The following ARHGEF28 variants were observed in gnomAD, a reference collection of about 807,000 sequenced individuals.
ARHGEF28 encodes the protein Rho guanine nucleotide exchange factor 28.
ARHGEF28 carries 152 observed loss-of-function variants against 206.6 expected under a neutral mutation model. The observed-to-expected ratio is 0.74, with a 90% CI of 0.64 to 0.84. The LOEUF is 0.84. Among genes scored for constraint, ARHGEF28 ranks in the 40% least tolerant of loss-of-function variants. The probability of loss-of-function intolerance (pLI) is 0.00; values close to 1 mark genes in which losing one functional copy is unlikely to be tolerated. For missense variants in ARHGEF28, 2,028 were observed against 2,073.2 expected (o/e 0.98, Z 0.42); for synonymous variants, 763 against 776.4 (o/e 0.98, Z 0.29).
intron 2 of ARHGEF28, among the ~76,000 whole-genome samples, chr5:73,713,759 C>A (rs1200185574): frequency 7.9e-5 from 12 of 151,984 alleles, no homozygotes; most frequent in Non-Finnish European, 1.5e-4. Flanking sequence ...TTTTGCATGG[C>A]AAATTAAATA....
intron 9 of ARHGEF28, among the ~76,000 whole-genome samples, chr5:73,831,476 A>G (rs1301367721): frequency 2.0e-5 from 3 of 152,230 alleles, no homozygotes; most frequent in Non-Finnish European, 1.5e-5. Flanking sequence ...CGTAACCAAA[A>G]TAGAAGTAAA....
At chr5:73,660,132 G>C (rs558003284) in intron 1 of ARHGEF28, among the ~76,000 whole-genome samples, 1 of 152,178 alleles carries the variant, frequency 6.6e-6, no homozygotes, top group South Asian at 2.1e-4. Context: ...TCTTAACTTT[G>C]CCTATGCCTT....
chr5:73,726,106 A>G (rs1468740898), intron 2 of ARHGEF28, among the ~76,000 whole-genome samples: 1 of 152,178 alleles, frequency 6.6e-6, no homozygotes, highest in African/African-American at 2.4e-5. Flanking sequence ...GTTTGGTTGC[A>G]AAGACCATAT....
At chr5:73,744,004 A>T (rs947387908) in intron 2 of ARHGEF28, among the ~76,000 whole-genome samples, 1 of 152,142 alleles carries the variant, frequency 6.6e-6, no homozygotes, top group South Asian at 2.1e-4. Context: ...ACTAGATCCA[A>T]TATTTTCAGT....
At chr5:73,884,546 T>C (rs1761143634) in intron 24 of ARHGEF28, among the ~76,000 whole-genome samples, 1 of 152,210 alleles carries the variant, frequency 6.6e-6, no homozygotes, top group Non-Finnish European at 1.5e-5. Flanking sequence ...AGCTAACATA[T>C]TGATCTTGAG....
chr5:73,780,767 T>G (rs1222250325), intron 7 of ARHGEF28, 22 bp downstream of exon 7: 15 of 1,552,058 alleles, frequency 9.7e-6, no homozygotes, highest in Non-Finnish European at 1.3e-5. Flanking sequence ...CCTTTCCCAC[T>G]TATGGCAGCC....
At chr5:73,689,304 T>A (rs1160925087) in intron 2 of ARHGEF28, among the ~76,000 whole-genome samples, 1 of 152,192 alleles carries the variant, frequency 6.6e-6, no homozygotes, top group Non-Finnish European at 1.5e-5. Flanking sequence ...GTAATATTCC[T>A]GAACTCAGCC....
intron 9 of ARHGEF28, among the ~76,000 whole-genome samples, chr5:73,816,104 CA>C (rs368183027): frequency 6.6e-6 from 1 of 152,176 alleles, no homozygotes; most frequent in East Asian, 1.9e-4. Flanking sequence ...ATATGTTCAA[CA>C]AACATCTGGG....
At chr5:73,847,282 T>C (rs1758425536) in intron 12 of ARHGEF28, among the ~76,000 whole-genome samples, 1 of 152,220 alleles carries the variant, frequency 6.6e-6, no homozygotes, top group Non-Finnish European at 1.5e-5. Flanking sequence ...GTTTTATGTA[T>C]GTACAAAATA....
intron 1 of ARHGEF28, among the ~76,000 whole-genome samples, chr5:73,657,396 G>C (rs1029879353): frequency 1.3e-5 from 2 of 152,062 alleles, no homozygotes; most frequent in African/African-American, 4.8e-5. Flanking sequence ...TAGGAGTTCT[G>C]TCTGGTTCTT....
chr5:73,673,129 G>A (rs927093887), intron 1 of ARHGEF28, among the ~76,000 whole-genome samples: 1 of 152,172 alleles, frequency 6.6e-6, no homozygotes, highest in Non-Finnish European at 1.5e-5. Context: ...ACTGTTGTGT[G>A]TTCAATAATA....
intron 22 of ARHGEF28, among the ~76,000 whole-genome samples, chr5:73,874,735 A>G (rs1380051710): frequency 6.6e-6 from 1 of 151,060 alleles, no homozygotes; most frequent in African/African-American, 2.4e-5. Context: ...ATGTCCCTAC[A>G]AAGGACATGA....
chr5:73,663,491 G>C (rs965795273), intron 1 of ARHGEF28, among the ~76,000 whole-genome samples: 15 of 152,162 alleles, frequency 9.9e-5, no homozygotes, highest in African/African-American at 3.4e-4. Flanking sequence ...CATTGCACTT[G>C]AACTGGTAAC....
chr5:73,679,458 T>A (rs1391774108), intron 1 of ARHGEF28, among the ~76,000 whole-genome samples: 3 of 151,956 alleles, frequency 2.0e-5, no homozygotes, highest in Non-Finnish European at 4.4e-5. Flanking sequence ...TCCCAGCCAT[T>A]TGGGAGGCTG....
intron 2 of ARHGEF28, among the ~76,000 whole-genome samples, chr5:73,736,810 C>T (rs1030969457): frequency 2.1e-5 from 3 of 142,032 alleles, no homozygotes; most frequent in Non-Finnish European, 4.6e-5. Flanking sequence ...TTGTAAACAA[C>T]GTCGAATTTT....
intron 1 of ARHGEF28, among the ~76,000 whole-genome samples, chr5:73,649,489 G>A (rs771239154): frequency 2.0e-5 from 3 of 152,320 alleles, no homozygotes; most frequent in East Asian, 1.9e-4. Context: ...TGAAGAAGCT[G>A]TAGCCATAAG....
At chr5:73,738,787 TTGAGA>T (rs1751181980) in intron 2 of ARHGEF28, among the ~76,000 whole-genome samples, 1 of 152,154 alleles carries the variant, frequency 6.6e-6, no homozygotes, top group Non-Finnish European at 1.5e-5. Context: ...TCATTTTAGT[TTGAGA>T]TGTTCAATGC....
chr5:73,799,554 G>A (rs770785810), intron 9 of ARHGEF28, among the ~76,000 whole-genome samples: 6 of 152,194 alleles, frequency 3.9e-5, no homozygotes, highest in Non-Finnish European at 7.3e-5. Context: ...ATGTCAAAGT[G>A]TGAGTGAGGT....
At chr5:73,745,326 A>G (rs1751666113) in intron 2 of ARHGEF28, among the ~76,000 whole-genome samples, 1 of 152,024 alleles carries the variant, frequency 6.6e-6, no homozygotes, top group African/African-American at 2.4e-5. Flanking sequence ...TTAATGAAAA[A>G]ATCTTTAGAA....
Sources: allele counts gnomAD v4.1 joint callset (sites outside exome capture counted in the v4.1 genomes callset), GRCh38; gene constraint gnomAD v4.1.1; transcripts MANE v1.5; gene names NCBI Gene and HGNC (gene_info 2026-07-23, HGNC 2026-07-21).